Variants in CELA3A observed in about 807,000 individuals in gnomAD.
The protein encoded by CELA3A is chymotrypsin-like elastase family member 3A.
A neutral mutation model predicts 38.6 loss-of-function variants in CELA3A; 35 were observed. That is an observed-to-expected ratio of 0.91 (90% CI 0.69 to 1.20). CELA3A has a LOEUF of 1.20. CELA3A is among the 50% of genes most tolerant of loss of function. The pLI is 0.00. For missense variants in CELA3A, 343 were observed against 354.2 expected (o/e 0.97, Z 0.25); for synonymous variants, 143 against 136.7 (o/e 1.05, Z -0.32).
chr1:22,001,786 C>T (rs12751986), intron 1 of CELA3A, 69 bp downstream of exon 1: 376,957 of 1,585,092 alleles, frequency 0.24, 53,606 homozygotes, highest in Admixed American at 0.42. Flanking sequence ...ATCTACCACT[C>T]GCTCTGAGTC....
At chr1:22,008,057 G>T (rs981744914) in intron 6 of CELA3A, among the ~76,000 whole-genome samples, 6 of 150,698 alleles carry the variant, frequency 4.0e-5, no homozygotes, top group Non-Finnish European at 7.4e-5. Context: ...GATAGGCTGA[G>T]GTGGGAGGAT....
chr1:22,006,837 G>A (rs778313190), intron 4 of CELA3A, 41 bp from the exon 5 acceptor site: 40 of 1,602,668 alleles, frequency 2.5e-5, no homozygotes, highest in African/African-American at 4.1e-5. Context: ...GACTTGGGCC[G>A]GCTGGAGGAC....
At chr1:22,009,238 C>T (rs34840017) in intron 6 of CELA3A, among the ~76,000 whole-genome samples, 30,181 of 151,228 alleles carry the variant, frequency 0.2, 4,046 homozygotes, top group East Asian at 0.39. Context: ...GTAGTGGGCA[C>T]CTATAGTCCC....
At chr1:22,004,092 G>A (rs1427883518) in intron 2 of CELA3A, among the ~76,000 whole-genome samples, 2 of 106,172 alleles carry the variant, frequency 1.9e-5, no homozygotes, top group African/African-American at 3.6e-5. Context: ...TTTTTTTTGA[G>A]ACAGGGTCTT....
rs1410165542 is a variant in CELA3A, at chr1:22,012,133, GTA to G, written c.796-310_796-309del. Reference sequence around the variant, plus strand: ...TATATATATATACACAAACACATACGTATATATACACACAAATACGTATATAT... The same window carrying G: ...TATATATATATACACAAACACATACGTATATACACACAAATACGTATATAT... On this transcript the variant is annotated intron_variant, in intron 7 of 7. Coordinates refer to ENST00000290122, the MANE Select transcript of CELA3A (RefSeq NM_005747.5). Among the ~76,000 whole-genome samples, 57 of 124,796 alleles carry G rather than the reference GTA, an allele frequency of 4.6e-4. 16 individuals are homozygous for G. The highest frequency in any genetic ancestry group is 1.8e-3 in the African/African-American group (54 of 30,162). The allele number at this position is 124,796 out of a possible 152,430, so 81.9% of individuals were successfully genotyped here.
At chr1:22,007,996 T>A (rs967101122) in intron 6 of CELA3A, among the ~76,000 whole-genome samples, 3 of 150,596 alleles carry the variant, frequency 2.0e-5, no homozygotes, top group Non-Finnish European at 4.4e-5. Flanking sequence ...ACAGAAAAAC[T>A]TTTTTTACTT....
intron 7 of CELA3A, among the ~76,000 whole-genome samples, chr1:22,011,743 G>T (rs1476431696): frequency 8.2e-6 from 1 of 122,408 alleles, no homozygotes; most frequent in Non-Finnish European, 1.7e-5. Flanking sequence ...CTCGGTGACA[G>T]AGCAAGACTC....
At position 22,001,657 on chromosome 1, in the gene CELA3A, C is replaced by T. The variant is rs373386491; in HGVS notation, c.-18C>T. 3.9e-5 allele frequency: 63 copies of T among 1,611,746 alleles called. No homozygotes were observed. The highest frequency in any genetic ancestry group is 5.2e-5 in the Non-Finnish European group (61 of 1,179,270). On this transcript the variant is annotated 5_prime_UTR_variant, in exon 1 of 8. Coordinates refer to ENST00000290122, the MANE Select transcript of CELA3A (RefSeq NM_005747.5). Reference sequence around the variant, plus strand: ...AGAGCCCCAGGCTCTGTGCCCTTTTCCTATCATCACAAAACTCATGATGCT... The same window carrying T: ...AGAGCCCCAGGCTCTGTGCCCTTTTTCTATCATCACAAAACTCATGATGCT...
chr1:22,009,341 G>GCGT (rs1407781944), intron 6 of CELA3A, among the ~76,000 whole-genome samples: 2 of 150,936 alleles, frequency 1.3e-5, no homozygotes, highest in East Asian at 3.9e-4. Flanking sequence ...TCCAGCCTGG[G>GCGT]CGTCAGAGTG....
Position 22,012,467 on chromosome 1 carries a change from G to C in CELA3A, c.813G>C (p.Ter271TyrextTer18). ...DWIEETIASH[*>Y] The stretch of plus-strand genomic sequence containing the variant: ...TTTTCCAGACCATAGCAAGCCACTA[G>C]AACCAAGGCCCAGCTGGCAGTGCTG... The change falls in exon 8 of 8, where the codon TAG (stop) becomes TAC (tyrosine). Residue 271 changes from the stop codon to tyrosine (Y), a stop_lost. Transcript: ENST00000290122. 7.8e-7 allele frequency: 1 copy of C among 1,277,840 alleles called. No individual in the cohort carries two copies. Among genetic ancestry groups the C allele is most frequent in the South Asian group, 1.3e-5 (1 of 78,184 alleles). 79.2% of individuals were successfully genotyped at this position (1,277,840 alleles called of 1,614,324 possible). A position where few individuals can be genotyped will look rare whatever the true frequency, so the allele number is the denominator to read the frequency against.
At position 22,002,765 on chromosome 1, in the gene CELA3A, A is replaced by G. The variant is rs1269391001; in HGVS notation, c.44-238A>G. 6.3e-5 allele frequency: 33 copies of G among 524,122 alleles called. No individual in the cohort carries two copies. In the East Asian group the frequency reaches 9.3e-4, roughly 15 times the overall value. The allele number at this position is 524,122 out of a possible 1,614,324, so 32.5% of individuals were successfully genotyped here. On this transcript the variant is annotated intron_variant, in intron 1 of 7. Coordinates refer to ENST00000290122, the MANE Select transcript of CELA3A (RefSeq NM_005747.5). ...TGTTCTAAGTGTATCAAGCTCTTCA[A>G]TCCTCCCAATGAAGGAGGCCACATT...
In CELA3A at chr1:22,008,136, C is replaced by G. The variant is rs1298473519; in HGVS notation, c.642+621C>G. 3.1e-5 allele frequency among the ~76,000 whole-genome samples: 4 copies of G among 128,282 alleles called. 1 individual carries two copies. The highest frequency in any genetic ancestry group is 3.3e-5 in the Non-Finnish European group (2 of 60,012). The allele number at this position is 128,282 out of a possible 152,430, so 84.2% of individuals were successfully genotyped here. ...GCCACTGCACCCAAGCCTGGCGACA[C>G]AGCAAGACGTTGTCTCTTTTTTTTT... On this transcript the variant is annotated intron_variant, in intron 6 of 7. Coordinates refer to ENST00000290122, the MANE Select transcript of CELA3A (RefSeq NM_005747.5).
At chr1:22,005,347 C>T (rs1472845872) in intron 2 of CELA3A, 100 bp from the exon 3 acceptor site, 23 of 1,409,426 alleles carry the variant, frequency 1.6e-5, no homozygotes, top group East Asian at 1.2e-4. Flanking sequence ...ATGTGAATGG[C>T]GCCCTCTAGA....
In CELA3A at chr1:22,005,707, T is replaced by C. The variant is rs375048343; in HGVS notation, c.273T>C (p.Ala91=). 3.1e-6 allele frequency: 5 copies of C among 1,612,278 alleles called. No individual in the cohort carries two copies. The African/African-American group carries it at 5.4e-5, about 17-fold the overall frequency. The change falls in exon 4 of 8, where the codon GCT becomes GCC. Residue 91 remains alanine (A), a synonymous_variant. Transcript: ENST00000290122. ...YQVVLGEYNL[A]VKEGPEQVIP... ...TGGTGTTGGGTGAGTACAACCTTGC[T>C]GTGAAGGAGGGCCCCGAGCAGGTGA...
chr1:22,009,549 C>T lies in CELA3A; in HGVS notation c.643-156C>T, dbSNP rs534173907. Among the ~76,000 whole-genome samples, 37 of 150,988 alleles carry T rather than the reference C, an allele frequency of 2.5e-4. 2 individuals are homozygous for T. Among genetic ancestry groups the T allele is most frequent in the Admixed American group, 4.0e-4 (6 of 15,146 alleles). On this transcript the variant is annotated intron_variant, in intron 6 of 7. Coordinates refer to ENST00000290122, the MANE Select transcript of CELA3A (RefSeq NM_005747.5). ...CCTGGACAGCAGAGCGAGACTCCATCTAAAAAAATAAAAATAATAAATGAT... is the reference window on the plus strand; with the variant it reads ...CCTGGACAGCAGAGCGAGACTCCATTTAAAAAAATAAAAATAATAAATGAT...
intron 7 of CELA3A, chr1:22,010,316 A>G: frequency 1.2e-5 from 4 of 325,106 alleles, no homozygotes. Context: ...TAGCTAAACA[A>G]CAAAAAAAAA....
In CELA3A at chr1:22,005,444, C is replaced by G. The variant is rs190082792; in HGVS notation, c.130-3C>G. 4.7e-5 allele frequency: 76 copies of G among 1,612,234 alleles called. No individual in the cohort carries two copies. The African/African-American group carries it at 8.0e-4, about 17-fold the overall frequency. Reference sequence around the variant, plus strand: ...CTGAGGCCCTTTCCTCCTGGGCCACCAGGTTTCCCTGCAGTATGAGAAAAG... The same window carrying G: ...CTGAGGCCCTTTCCTCCTGGGCCACGAGGTTTCCCTGCAGTATGAGAAAAG... On this transcript the variant is annotated splice_polypyrimidine_tract_variant and splice_region_variant and intron_variant, in intron 2 of 7. Transcript: ENST00000290122.
rs530599737 is a variant in CELA3A at position 22,011,925 on chromosome 1, C to T, written c.796-525C>T. Among the ~76,000 whole-genome samples the T allele has an allele frequency of 9.7e-4, 122 of 125,682 alleles. 27 individuals are homozygous for T. Among genetic ancestry groups the T allele is most frequent in the African/African-American group, 3.6e-3 (109 of 30,476 alleles). 82.5% of individuals were successfully genotyped at this position (125,682 alleles called of 152,430 possible). On this transcript the variant is annotated intron_variant, in intron 7 of 7. Transcript: ENST00000290122. ...AAAATTAGCCAGGCATGGTGGCGTA[C>T]GCCTGTAGTCCCAGCTACTTGGGAG...
Position 22,012,162 on chromosome 1 carries a change from T to C in CELA3A, c.796-288T>C, listed in dbSNP as rs555489559. ...ATATACACACAAATACGTATATATA[T>C]ACACACACACATATACACACACATG... On this transcript the variant is annotated intron_variant, in intron 7 of 7. Coordinates refer to ENST00000290122, the MANE Select transcript of CELA3A (RefSeq NM_005747.5). Among the ~76,000 whole-genome samples, 33 of 128,512 alleles carry C rather than the reference T, an allele frequency of 2.6e-4. 8 individuals are homozygous for C. Among genetic ancestry groups the C allele is most frequent in the Admixed American group, 5.2e-4 (6 of 11,448 alleles). 84.3% of individuals were successfully genotyped at this position (128,512 alleles called of 152,430 possible).
Sources: allele counts gnomAD v4.1 joint callset (sites outside exome capture counted in the v4.1 genomes callset), GRCh38; gene constraint gnomAD v4.1.1; transcripts MANE v1.5; gene names NCBI Gene and HGNC (gene_info 2026-07-23, HGNC 2026-07-21).